Variants in POU3F3 observed in about 807,000 individuals in gnomAD.
POU3F3 encodes POU domain, class 3, transcription factor 3.
In POU3F3, 1 loss-of-function variant was observed where a neutral mutation model predicts 8.6. The observed-to-expected ratio is 0.12, with a 90% CI of 0.04 to 0.55. The LOEUF (loss-of-function observed/expected upper bound fraction) is 0.55. Among genes scored for constraint, POU3F3 ranks in the 20% least tolerant of loss-of-function variants. The pLI, the probability that POU3F3 is intolerant of heterozygous loss-of-function variation, is 0.91. For synonymous variants in POU3F3, 418 were observed against 327.4 expected (o/e 1.28, Z -2.99); for missense variants, 577 against 690.7 (o/e 0.84, Z 1.84).
the POU3F3 span, among the ~76,000 whole-genome samples, chr2:104,900,810 C>T: frequency 6.6e-6 from 1 of 152,188 alleles, no homozygotes; most frequent in East Asian, 1.9e-4. Context: ...TCAGCCTGCG[C>T]CAAGTGGCAC....
chr2:104,888,228 G>T, the POU3F3 span, among the ~76,000 whole-genome samples: 3 of 152,210 alleles, frequency 2.0e-5, no homozygotes, highest in South Asian at 6.2e-4. Context: ...TTCTTGTGGG[G>T]CAAACATTAG....
the POU3F3 span, among the ~76,000 whole-genome samples, chr2:104,873,292 C>T: frequency 2.0e-5 from 3 of 152,188 alleles, no homozygotes; most frequent in Non-Finnish European, 2.9e-5. Flanking sequence ...CACTTGCAGC[C>T]GGCGCTGGCT....
At chr2:104,877,608 CCA>C in the POU3F3 span, among the ~76,000 whole-genome samples, 1 of 152,016 alleles carries the variant, frequency 6.6e-6, no homozygotes, top group Non-Finnish European at 1.5e-5. Flanking sequence ...GGCTGGGAGG[CCA>C]CAGTCTCTGG....
downstream of POU3F3, among the ~76,000 whole-genome samples, chr2:104,860,752 CTTTTTT>C (rs1178339577): frequency 9.9e-5 from 5 of 50,276 alleles, no homozygotes; most frequent in Admixed American, 3.0e-4. Flanking sequence ...GTTGCTCTGC[CTTTTTT>C]TTTTTTTTTT....
the POU3F3 span, among the ~76,000 whole-genome samples, chr2:104,895,845 C>G: frequency 6.6e-6 from 1 of 152,128 alleles, no homozygotes. Flanking sequence ...CAGAAATGGG[C>G]ATAATTGAGC....
chr2:104,887,883 A>G, the POU3F3 span, among the ~76,000 whole-genome samples: 2 of 152,260 alleles, frequency 1.3e-5, no homozygotes, highest in Non-Finnish European at 2.9e-5. Context: ...TACTAAAAAC[A>G]GTGTTAAAAG....
chr2:104,919,804 CCCT>C, the POU3F3 span, among the ~76,000 whole-genome samples: 1 of 151,844 alleles, frequency 6.6e-6, no homozygotes, highest in Non-Finnish European at 1.5e-5. Flanking sequence ...CCTTCCTCTC[CCCT>C]CCTCCTCTCC....
the POU3F3 span, among the ~76,000 whole-genome samples, chr2:104,918,437 G>A: frequency 2.0e-5 from 3 of 152,208 alleles, no homozygotes; most frequent in African/African-American, 7.2e-5. Flanking sequence ...TGGAAATAGA[G>A]TCATTGCAGC....
the POU3F3 span, among the ~76,000 whole-genome samples, chr2:104,896,048 G>A: frequency 6.6e-6 from 1 of 152,170 alleles, no homozygotes; most frequent in Non-Finnish European, 1.5e-5. Context: ...TTAGCACCGG[G>A]AAGCCTGAGC....
At chr2:104,904,202 C>A in the POU3F3 span, among the ~76,000 whole-genome samples, 1 of 152,294 alleles carries the variant, frequency 6.6e-6, no homozygotes, top group Middle Eastern at 3.4e-3. Flanking sequence ...GTGGCACTCT[C>A]TACTCTGCAG....
chr2:104,913,068 G>A, the POU3F3 span, among the ~76,000 whole-genome samples: 8 of 152,162 alleles, frequency 5.3e-5, no homozygotes, highest in East Asian at 3.9e-4. Flanking sequence ...GAATGGCCAC[G>A]GGATTGCAAA....
At chr2:104,927,199 G>T in the POU3F3 span, among the ~76,000 whole-genome samples, 1 of 152,176 alleles carries the variant, frequency 6.6e-6, no homozygotes, top group Non-Finnish European at 1.5e-5. Context: ...TCCCACTCAT[G>T]AGGGCTCTGC....
chr2:104,863,840 G>C, the POU3F3 span, among the ~76,000 whole-genome samples: 1 of 152,258 alleles, frequency 6.6e-6, no homozygotes, highest in Admixed American at 6.5e-5. Context: ...GAGCGGAACA[G>C]CCTAGTGCAC....
chr2:104,879,752 C>T, the POU3F3 span, among the ~76,000 whole-genome samples: 198 of 152,252 alleles, frequency 1.3e-3, no homozygotes, highest in African/African-American at 4.2e-3. Context: ...CCTAGCTGTG[C>T]TTGTGAAATT....
At chr2:104,899,635 G>T in the POU3F3 span, among the ~76,000 whole-genome samples, 414 of 152,326 alleles carry the variant, frequency 2.7e-3, 1 homozygote, top group Admixed American at 5.6e-3. Flanking sequence ...GCCAAAAAGA[G>T]AGAGGATGTA....
the POU3F3 span, among the ~76,000 whole-genome samples, chr2:104,905,817 T>C: frequency 1.3e-5 from 2 of 152,218 alleles, no homozygotes; most frequent in Admixed American, 1.3e-4. Context: ...TAGGGCCCAC[T>C]CTAATTCAGT....
the POU3F3 span, among the ~76,000 whole-genome samples, chr2:104,914,950 G>C: frequency 1.3e-5 from 2 of 152,206 alleles, no homozygotes; most frequent in Non-Finnish European, 2.9e-5. Context: ...ACAGTCTGCT[G>C]ACCTCTCTGT....
the POU3F3 span, among the ~76,000 whole-genome samples, chr2:104,926,563 T>C: frequency 6.6e-6 from 1 of 152,214 alleles, no homozygotes; most frequent in African/African-American, 2.4e-5. Context: ...CTCAAGGATC[T>C]AGAACCAGAA....
At chr2:104,901,490 A>C in the POU3F3 span, among the ~76,000 whole-genome samples, 1 of 152,210 alleles carries the variant, frequency 6.6e-6, no homozygotes, top group Non-Finnish European at 1.5e-5. Context: ...CACCTATCCT[A>C]ACAGGCTGTT....
Sources: gnomAD v4.1 joint callset for allele counts (sites outside exome capture counted in the v4.1 genomes callset) on GRCh38, gnomAD v4.1.1 for gene constraint, MANE v1.5 for transcripts, NCBI Gene and HGNC (gene_info 2026-07-23, HGNC 2026-07-21) for gene names.